CAT: variants seen among roughly 807,000 people sequenced by gnomAD.
CAT encodes the protein epididymis secretory sperm binding protein.
Under a neutral mutation model 59.0 loss-of-function variants are expected in CAT, and 43 were observed. The observed-to-expected ratio is 0.73, with a 90% CI of 0.57 to 0.94. CAT has a LOEUF of 0.94. Among genes scored for constraint, CAT ranks in the 40% least tolerant of loss-of-function variants. The pLI, the probability that CAT is intolerant of heterozygous loss-of-function variation, is 0.00. For missense variants in CAT, 664 were observed against 682.9 expected (o/e 0.97, Z 0.31); for synonymous variants, 218 against 230.9 (o/e 0.94, Z 0.51).
intron 8 of CAT, among the ~76,000 whole-genome samples, chr11:34,459,713 A>G (rs1013045391): frequency 2.6e-5 from 4 of 152,222 alleles, no homozygotes; most frequent in East Asian, 1.9e-4. Flanking sequence ...GTCTCCACCC[A>G]TAGGTGGGGT....
At position 34,464,547 on chromosome 11, in the gene CAT, C is replaced by T. The variant is rs895107170; in HGVS notation, c.1326+312C>T. On this transcript the variant is annotated intron_variant, in intron 10 of 12. Transcript: ENST00000241052. ...TTAAGAAATGAGCATGTACAGCTTA[C>T]GTGGAGACAAATCTAAGAATCTGGG... is the stretch of plus-strand genomic sequence containing the variant. Among the ~76,000 whole-genome samples, 8 of 152,226 alleles carry T rather than the reference C, an allele frequency of 5.3e-5. 1 individual carries two copies. Among genetic ancestry groups the T allele is most frequent in the South Asian group, 4.2e-4 (2 of 4,818 alleles).
chr11:34,452,017 AGG>A, intron 3 of CAT, 58 bp from the exon 4 acceptor site: 4 of 1,595,028 alleles, frequency 2.5e-6, no homozygotes, highest in Middle Eastern at 1.7e-4. Context: ...TTATGTCTCC[AGG>A]CTTCTTGGAT....
intron 10 of CAT, among the ~76,000 whole-genome samples, chr11:34,466,694 T>C (rs1856722038): frequency 2.9e-5 from 4 of 136,302 alleles, no homozygotes; most frequent in South Asian, 2.2e-4. Flanking sequence ...GGCAGGAGAA[T>C]GGCGTGAACC....
intron 10 of CAT, among the ~76,000 whole-genome samples, chr11:34,467,259 A>G (rs1468535518): frequency 6.6e-6 from 1 of 152,250 alleles, no homozygotes; most frequent in Non-Finnish European, 1.5e-5. Flanking sequence ...GTCAACAGAT[A>G]TAGTGACCCA....
intron 11 of CAT, among the ~76,000 whole-genome samples, chr11:34,469,796 G>A (rs989064459): frequency 3.3e-5 from 5 of 151,920 alleles, no homozygotes; most frequent in African/African-American, 1.2e-4. Flanking sequence ...CTCCCCAGTA[G>A]CTTGGACTAC....
At chr11:34,466,256 AT>A (rs373355339) in intron 10 of CAT, among the ~76,000 whole-genome samples, 20 of 152,306 alleles carry the variant, frequency 1.3e-4, no homozygotes, top group African/African-American at 4.8e-4. Context: ...AGCAAACAAA[AT>A]TTTCTTTGGT....
Position 34,461,288 on chromosome 11 carries a change from G to T in CAT, c.1094G>T (p.Arg365Leu), listed in dbSNP as rs757901578. The change falls in exon 9 of 13, where the codon CGC (arginine) becomes CTC (leucine). Residue 365 changes from arginine to leucine, a missense_variant. Coordinates refer to ENST00000241052, the MANE Select transcript of CAT (RefSeq NM_001752.4). ...LFAYPDTHRHRLGPNYLHIPV... is the reference protein window; with the variant it reads ...LFAYPDTHRHLLGPNYLHIPV... ...GCCTATCCTGACACTCACCGCCATC[G>T]CCTGGGACCCAATTATCTTCATATA... 1.5e-5 allele frequency: 25 copies of T among 1,614,026 alleles called. No homozygotes were observed. Among genetic ancestry groups the T allele is most frequent in the African/African-American group, 2.7e-5 (2 of 74,916 alleles).
intron 1 of CAT, among the ~76,000 whole-genome samples, 179 bp from the exon 2 acceptor site, chr11:34,449,012 TG>T (rs1214090540): frequency 6.6e-6 from 1 of 152,234 alleles, no homozygotes; most frequent in African/African-American, 2.4e-5. Context: ...CAAGGGTTTC[TG>T]GGGCATCACT....
intron 9 of CAT, among the ~76,000 whole-genome samples, chr11:34,462,750 C>T (rs532397740): frequency 5.3e-5 from 8 of 152,086 alleles, no homozygotes; most frequent in Non-Finnish European, 1.0e-4. Context: ...GGGCTGTGAC[C>T]CTGAAGCTCA....
intron 1 of CAT, among the ~76,000 whole-genome samples, chr11:34,448,348 A>G (rs1202927087): frequency 6.6e-6 from 1 of 152,186 alleles, no homozygotes; most frequent in Non-Finnish European, 1.5e-5. Flanking sequence ...CCTGATTTCC[A>G]GTGACCCGGG....
chr11:34,441,218 C>T (rs1384289315), intron 1 of CAT, among the ~76,000 whole-genome samples: 1 of 152,170 alleles, frequency 6.6e-6, no homozygotes, highest in Middle Eastern at 3.2e-3. Context: ...AATTTTCAAA[C>T]ACTTTTTTTA....
intron 11 of CAT, among the ~76,000 whole-genome samples, chr11:34,469,942 G>A (rs1397693465): frequency 2.0e-5 from 3 of 152,042 alleles, no homozygotes; most frequent in African/African-American, 4.8e-5. Flanking sequence ...CTGGGATTTC[G>A]GGCGTGAGCC....
chr11:34,461,191 C>T (rs1167064455), intron 8 of CAT, 60 bp from the exon 9 acceptor site: 3 of 1,562,744 alleles, frequency 1.9e-6, no homozygotes, highest in Non-Finnish European at 2.6e-6. Flanking sequence ...AAGTTTACAG[C>T]CCATTCCTAT....
At chr11:34,452,678 A>G (rs1856539065) in intron 4 of CAT, among the ~76,000 whole-genome samples, 1 of 152,146 alleles carries the variant, frequency 6.6e-6, no homozygotes, top group South Asian at 2.1e-4. Flanking sequence ...ACATGGCAAA[A>G]CCATATCTCT....
chr11:34,449,349 A>C lies in CAT; in HGVS notation c.224A>C (p.His75Pro). 1 of 1,614,080 alleles carries C rather than the reference A, an allele frequency of 6.2e-7. No homozygotes were observed. Among genetic ancestry groups the C allele is most frequent in the Non-Finnish European group, 8.5e-7 (1 of 1,179,900 alleles). Residue 75 changes from histidine to proline, a missense_variant, in exon 2 of 13, where the codon CAT becomes CCT. By Grantham distance (77) the His-to-Pro change is moderately conservative. Coordinates refer to ENST00000241052, the MANE Select transcript of CAT (RefSeq NM_001752.4). ...DRERIPERVVHAKGAGAFGYF... is the reference protein window; with the variant it reads ...DRERIPERVVPAKGAGAFGYF... Reference sequence around the variant, plus strand: ...GAGAGAATTCCTGAGAGAGTTGTGCATGCTAAAGGAGCAGGTAAGTGCTGT... The same window carrying C: ...GAGAGAATTCCTGAGAGAGTTGTGCCTGCTAAAGGAGCAGGTAAGTGCTGT...
chr11:34,467,354 T>C (rs1856730616), intron 10 of CAT, among the ~76,000 whole-genome samples: 2 of 152,324 alleles, frequency 1.3e-5, no homozygotes, highest in Non-Finnish European at 1.5e-5. Context: ...CCCCAGGATA[T>C]AGTACTTTGA....
intron 1 of CAT, among the ~76,000 whole-genome samples, chr11:34,445,654 T>C (rs1281844857): frequency 6.6e-6 from 1 of 151,966 alleles, no homozygotes; most frequent in East Asian, 1.9e-4. Flanking sequence ...CGTATGGATG[T>C]CATGGGAGCT....
chr11:34,445,021 T>C lies in CAT; in HGVS notation c.67-4171T>C, dbSNP rs1178660537. On this transcript the variant is annotated intron_variant, in intron 1 of 12. Transcript: ENST00000241052. ...GGGCGATGCAGGGAGAGGGATAGACTGTTGCTGCTTCCTCCTGCTTGTTAG... is the reference window on the plus strand; with the variant it reads ...GGGCGATGCAGGGAGAGGGATAGACCGTTGCTGCTTCCTCCTGCTTGTTAG... 3.3e-5 allele frequency among the ~76,000 whole-genome samples: 5 copies of C among 152,164 alleles called. No homozygotes were observed. In the South Asian group the frequency reaches 8.3e-4, roughly 25 times the overall value.
intron 1 of CAT, among the ~76,000 whole-genome samples, chr11:34,444,427 A>G (rs1590298467): frequency 1.3e-5 from 2 of 152,340 alleles, no homozygotes; most frequent in East Asian, 3.9e-4. Context: ...ACAGCAGTCA[A>G]TATCTAGACC....
Sources: allele counts gnomAD v4.1 joint callset (sites outside exome capture counted in the v4.1 genomes callset), GRCh38; gene constraint gnomAD v4.1.1; transcripts MANE v1.5; gene names NCBI Gene and HGNC (gene_info 2026-07-23, HGNC 2026-07-21).